PLCB1: variants seen among roughly 807,000 people sequenced by gnomAD.
PLCB1 encodes the protein phospholipase C beta 1.
A neutral mutation model predicts 161.8 loss-of-function variants in PLCB1; 46 were observed. The ratio of observed to expected loss-of-function variants is 0.28; its 90% CI spans 0.22 to 0.36. The LOEUF (loss-of-function observed/expected upper bound fraction) is 0.36. PLCB1 is among the 10% of genes least tolerant of loss of function. The pLI is 1.00. For synonymous variants in PLCB1, 517 were observed against 503.7 expected, an observed-to-expected ratio of 1.03 and a Z score of -0.35; for missense variants, 1,016 against 1,472.5, an observed-to-expected ratio of 0.69 and a Z score of 5.07.
chr20:8,787,920 A>C (rs1022493431), intron 27 of PLCB1, among the ~76,000 whole-genome samples: 1 of 152,258 alleles, frequency 6.6e-6, no homozygotes, highest in Non-Finnish European at 1.5e-5. Flanking sequence ...TGGGAAACTC[A>C]TGTTATCCTC....
rs1010000765 is a variant in PLCB1, at chr20:8,781,411, CACACAA to C, written c.3111+6698_3111+6703del. 1.9e-3 allele frequency among the ~76,000 whole-genome samples: 40 copies of C among 21,594 alleles called. 1 individual carries two copies. In the East Asian group the frequency reaches 0.093, roughly 50 times the overall value. The allele number at this position is 21,594 out of a possible 152,430, so 14.2% of individuals were successfully genotyped here. A position where few individuals can be genotyped will look rare whatever the true frequency, so the allele number is the denominator to read the frequency against. On this transcript the variant is annotated intron_variant, in intron 27 of 31. Coordinates refer to ENST00000338037, the MANE Select transcript of PLCB1 (RefSeq NM_015192.4). Reference sequence around the variant, plus strand: ...TCACACACACAAACACACACACACACACACAAACACACACACACACACACACACACA... The same window carrying C: ...TCACACACACAAACACACACACACACACACACACACACACACACACACACA...
chr20:8,483,175 C>G (rs906464563), intron 3 of PLCB1, among the ~76,000 whole-genome samples: 1 of 152,174 alleles, frequency 6.6e-6, no homozygotes, highest in African/African-American at 2.4e-5. Context: ...AAAACATATT[C>G]TCTCTCTAAT....
chr20:8,740,091 A>G (rs1232397766), intron 21 of PLCB1, among the ~76,000 whole-genome samples: 1 of 152,220 alleles, frequency 6.6e-6, no homozygotes, highest in Non-Finnish European at 1.5e-5. Flanking sequence ...AATTCAGTCT[A>G]TGACATGTGA....
At chr20:8,638,381 C>CT (rs981305775) in intron 4 of PLCB1, among the ~76,000 whole-genome samples, 7 of 151,870 alleles carry the variant, frequency 4.6e-5, no homozygotes, top group African/African-American at 1.7e-4. Context: ...TGATAGAACT[C>CT]TATCACAAGC....
intron 3 of PLCB1, among the ~76,000 whole-genome samples, chr20:8,487,712 C>G (rs1982787135): frequency 6.6e-6 from 1 of 152,140 alleles, no homozygotes; most frequent in Admixed American, 6.5e-5. Flanking sequence ...TACAGCTACT[C>G]CAGATCTGTT....
chr20:8,501,828 C>T (rs569074545), intron 3 of PLCB1, among the ~76,000 whole-genome samples: 32 of 137,414 alleles, frequency 2.3e-4, no homozygotes, highest in Non-Finnish European at 4.4e-4. Context: ...ATATAGTATG[C>T]GGTATGCCAC....
At chr20:8,820,068 C>T (rs961839063) in intron 31 of PLCB1, among the ~76,000 whole-genome samples, 3 of 148,214 alleles carry the variant, frequency 2.0e-5, no homozygotes, top group South Asian at 2.1e-4. Context: ...ATACTTGTTA[C>T]ACTGTATTGG....
At chr20:8,489,662 T>C (rs1982866079) in intron 3 of PLCB1, among the ~76,000 whole-genome samples, 1 of 152,196 alleles carries the variant, frequency 6.6e-6, no homozygotes, top group South Asian at 2.1e-4. Flanking sequence ...GCCCACGCAG[T>C]ACAGGACTTG....
At chr20:8,565,765 C>A (rs1191102275) in intron 3 of PLCB1, among the ~76,000 whole-genome samples, 1 of 151,886 alleles carries the variant, frequency 6.6e-6, no homozygotes, top group Non-Finnish European at 1.5e-5. Context: ...AGGATATAGA[C>A]CCCAGAACCT....
chr20:8,508,042 A>G (rs1442455467), intron 3 of PLCB1, among the ~76,000 whole-genome samples: 2 of 152,146 alleles, frequency 1.3e-5, no homozygotes, highest in African/African-American at 4.8e-5. Flanking sequence ...GGAGGATTTA[A>G]CACAGGGATT....
chr20:8,789,538 G>A lies in PLCB1; in HGVS notation c.3299G>A (p.Arg1100Gln). 2.5e-6 allele frequency: 4 copies of A among 1,611,140 alleles called. No individual in the cohort carries two copies. Among genetic ancestry groups the A allele is most frequent in the Non-Finnish European group, 3.4e-6 (4 of 1,177,286 alleles). ...QMEEEKTEMIRSYIQEVVQYI... is the reference protein window; with the variant it reads ...QMEEEKTEMIQSYIQEVVQYI... ...TTTAGGGAGAAGACAGAGATGATCCGGTCATATATCCAGGAAGTGGTGCAG... is the reference window on the plus strand; with the variant it reads ...TTTAGGGAGAAGACAGAGATGATCCAGTCATATATCCAGGAAGTGGTGCAG... Residue 1100 changes from arginine (R) to glutamine (Q), a missense_variant, in exon 30 of 32, where the codon CGG becomes CAG. Physicochemically the swap from Arg to Gln is conservative, Grantham distance 43. This residue lies in a region of PLCB1 where 398 missense variants were observed against 445.4 expected (regional missense o/e 0.89). Transcript: ENST00000338037.
chr20:8,198,214 G>T (rs895691910), intron 2 of PLCB1, among the ~76,000 whole-genome samples: 1 of 152,124 alleles, frequency 6.6e-6, no homozygotes, highest in East Asian at 1.9e-4. Flanking sequence ...TTGGTAGCTT[G>T]ATGGGGATGG....
chr20:8,227,194 G>A (rs945071105), intron 2 of PLCB1, among the ~76,000 whole-genome samples: 2 of 152,082 alleles, frequency 1.3e-5, no homozygotes, highest in African/African-American at 4.8e-5. Context: ...CCACATTGCA[G>A]GACTAGAGGC....
intron 7 of PLCB1, chr20:8,652,978 C>T (rs1454782173): frequency 1.3e-5 from 2 of 151,964 alleles, no homozygotes; most frequent in Admixed American, 6.6e-5. Context: ...GTTCCGTGTT[C>T]AAAAAATTAC....
At chr20:8,561,415 G>A (rs576097692) in intron 3 of PLCB1, among the ~76,000 whole-genome samples, 1 of 151,880 alleles carries the variant, frequency 6.6e-6, no homozygotes, top group South Asian at 2.1e-4. Flanking sequence ...GTCGGGATAT[G>A]AGCAGTTGAA....
intron 2 of PLCB1, among the ~76,000 whole-genome samples, chr20:8,336,540 G>T (rs1985588493): frequency 6.6e-6 from 1 of 152,062 alleles, no homozygotes. Flanking sequence ...CATCTCCTGG[G>T]GATCTTGTTA....
intron 3 of PLCB1, among the ~76,000 whole-genome samples, chr20:8,423,012 A>G (rs1600390651): frequency 6.6e-6 from 1 of 152,222 alleles, no homozygotes; most frequent in African/African-American, 2.4e-5. Flanking sequence ...GGCACAGAGC[A>G]AACACTATAT....
At chr20:8,157,885 C>A (rs888241472) in intron 2 of PLCB1, among the ~76,000 whole-genome samples, 1 of 152,146 alleles carries the variant, frequency 6.6e-6, no homozygotes, top group African/African-American at 2.4e-5. Context: ...ATGGGCATAA[C>A]AACAGCAATG....
chr20:8,470,320 T>G (rs1252525363), intron 3 of PLCB1, among the ~76,000 whole-genome samples: 1 of 152,186 alleles, frequency 6.6e-6, no homozygotes, highest in Non-Finnish European at 1.5e-5. Flanking sequence ...GAAACTATGT[T>G]TAAACCATAA....
Sources: allele counts gnomAD v4.1 joint callset (sites outside exome capture counted in the v4.1 genomes callset), GRCh38; gene constraint gnomAD v4.1.1; regional missense constraint gnomAD v4.1.1; transcripts MANE v1.5; gene names NCBI Gene and HGNC (gene_info 2026-07-23, HGNC 2026-07-21).